Variants in MPP1 observed in about 807,000 individuals in gnomAD.
The protein encoded by MPP1 is MAGUK p55 scaffold protein 1.
Under a neutral mutation model 38.2 loss-of-function variants are expected in MPP1, and 6 were observed. The ratio of observed to expected loss-of-function variants is 0.16; its 90% CI spans 0.09 to 0.31. The LOEUF (loss-of-function observed/expected upper bound fraction) is 0.31. Among genes scored for constraint, MPP1 ranks in the 10% least tolerant of loss-of-function variants. The pLI, the probability that MPP1 is intolerant of heterozygous loss-of-function variation, is 1.00. For missense variants in MPP1, 293 were observed against 368.9 expected (o/e 0.79, Z 1.69); for synonymous variants, 153 against 146.3 (o/e 1.05, Z -0.33).
intron 1 of MPP1, among the ~76,000 whole-genome samples, chrX:154,795,867 G>A (rs144998283): frequency 5.3e-5 from 6 of 112,247 alleles, no homozygotes; most frequent in African/African-American, 1.9e-4. Flanking sequence ...AAGATGGGGT[G>A]AGAAGGAAAT....
chrX:154,798,120 T>C (rs1421537628), intron 1 of MPP1, among the ~76,000 whole-genome samples: 3 of 112,356 alleles, frequency 2.7e-5, no homozygotes, highest in Non-Finnish European at 3.8e-5. Flanking sequence ...ATAGTGACAA[T>C]ACTCATAACT....
At chrX:154,791,224 A>G (rs1603430146) in intron 3 of MPP1, 156 bp from the exon 4 acceptor site, 1 of 488,020 alleles carries the variant, frequency 2.0e-6, no homozygotes, top group East Asian at 3.6e-5. Flanking sequence ...TTGACTTGAC[A>G]GTTTAAGATG....
rs782672289 is a variant in MPP1 at position 154,783,387 on chromosome X, G to A, written c.946+40C>T. 43 of 1,012,072 alleles carry A rather than the reference G, an allele frequency of 4.2e-5. No individual in the cohort carries two copies. The South Asian group carries it at 8.7e-4, about 20-fold the overall frequency. The allele number at this position is 1,012,072 out of a possible 1,213,427, so 83.4% of individuals were successfully genotyped here. ...GTATTTCAGATGGCGAGTGGTACCAGCCTGTCACCTCCCCTCCAAGGTGCC... is the reference window on the plus strand; with the variant it reads ...GTATTTCAGATGGCGAGTGGTACCAACCTGTCACCTCCCCTCCAAGGTGCC... On this transcript the variant is annotated intron_variant, in intron 9 of 11. Transcript: ENST00000369534.
At chrX:154,804,579 A>T (rs1397194334) in intron 1 of MPP1, 1 of 290,594 alleles carries the variant, frequency 3.4e-6, no homozygotes, top group African/African-American at 2.8e-5. Flanking sequence ...ACAGACCCTG[A>T]GTGACGACCA....
In MPP1 at chrX:154,790,004, T is replaced by A; in HGVS notation, c.430A>T (p.Ile144Phe). 1 of 1,193,234 alleles carries A rather than the reference T, an allele frequency of 8.4e-7. No individual in the cohort carries two copies. The highest frequency in any genetic ancestry group is 1.1e-6 in the Non-Finnish European group (1 of 881,025). Residue 144 changes from isoleucine (I) to phenylalanine (F), a missense_variant, in exon 5 of 12, where the codon ATC becomes TTC. By Grantham distance (21) the Ile-to-Phe change is conservative. Coordinates refer to ENST00000369534, the MANE Select transcript of MPP1 (RefSeq NM_002436.4). The part of the protein sequence containing the change: ...QKAMKETKGM[I>F]SLKVIPNQQS... Reference sequence around the variant, plus strand: ...TGGTTGGGAATTACTTTTAATGAGATCATTCCTTTGGTTTCTTTCTATTAA... The same window carrying A: ...TGGTTGGGAATTACTTTTAATGAGAACATTCCTTTGGTTTCTTTCTATTAA...
chrX:154,798,650 C>T lies in MPP1; in HGVS notation c.103-6365G>A, dbSNP rs182271595. Among the ~76,000 whole-genome samples the T allele has an allele frequency of 2.7e-4, 30 of 112,209 alleles. No individual in the cohort carries two copies. The East Asian group carries it at 3.6e-3, about 14-fold the overall frequency. On this transcript the variant is annotated intron_variant, in intron 1 of 11. Coordinates refer to ENST00000369534, the MANE Select transcript of MPP1 (RefSeq NM_002436.4). The stretch of plus-strand genomic sequence containing the variant: ...GAGGAAGACAAGTGTGACTATAAAG[C>T]GACAGCAGGAGAGAGGCCTTTGTGG...
intron 1 of MPP1, chrX:154,799,704 G>A (rs2072240244): frequency 8.8e-7 from 1 of 1,132,771 alleles, no homozygotes; most frequent in South Asian, 2.1e-5. Context: ...TGTTAAGGAT[G>A]ACTGCTGGGA....
intron 1 of MPP1, among the ~76,000 whole-genome samples, chrX:154,796,168 T>C (rs782333932): frequency 7.4e-4 from 81 of 109,153 alleles, no homozygotes; most frequent in African/African-American, 2.4e-3. Context: ...TCTCACTCTG[T>C]CACCCAGTCT....
In MPP1 at chrX:154,781,281, C is replaced by T. The variant is rs372115896; in HGVS notation, c.1182G>A (p.Ser394=). Residue 394 remains serine, a synonymous_variant, in exon 11 of 12, where the codon TCG becomes TCA. Transcript: ENST00000369534. The part of the protein sequence containing the change: ...TLKIVRTAEL[S]PFIVFIAPTD... The stretch of plus-strand genomic sequence containing the variant: ...TAGGTGCAATGAACACAATGAAAGG[C>T]GAAAGTTCTGCTGTCCGAACAATTT... 25 of 1,195,928 alleles carry T rather than the reference C, an allele frequency of 2.1e-5. No individual in the cohort carries two copies. The highest frequency in any genetic ancestry group is 5.3e-5 in the South Asian group (3 of 56,193).
At chrX:154,784,927 T>C in intron 7 of MPP1, 124 bp downstream of exon 7, 4 of 603,575 alleles carry the variant, frequency 6.6e-6, no homozygotes, top group Non-Finnish European at 1.1e-5. Flanking sequence ...AGAAATGACA[T>C]GCTTTCTGTA....
rs1557269064 is a variant in MPP1, at chrX:154,805,350, G to A, written c.24C>T (p.Gly8=). The A allele has an allele frequency of 4.2e-6, 5 of 1,201,963 alleles. No individual in the cohort carries two copies. The highest frequency in any genetic ancestry group is 2.3e-4 in the Middle Eastern group (1 of 4,328). Residue 8 remains glycine, a synonymous_variant, in exon 1 of 12, where the codon GGC becomes GGT. Coordinates refer to ENST00000369534, the MANE Select transcript of MPP1 (RefSeq NM_002436.4). MTLKASE[G]ESGGSMHTAL... is the part of the protein sequence containing the mutation. ...CCGTGTGCATGCTGCCCCCACTCTC[G>A]CCCTCGCTCGCCTTGAGGGTCATCT... is the stretch of plus-strand genomic sequence containing the variant.
At chrX:154,792,315 T>C in intron 1 of MPP1, 30 bp from the exon 2 acceptor site, 11 of 1,187,787 alleles carry the variant, frequency 9.3e-6, no homozygotes, top group Non-Finnish European at 8.0e-6. Flanking sequence ...AAGCAACGTA[T>C]GAAATCAGGA....
At chrX:154,785,245 T>G in intron 6 of MPP1, 88 bp from the exon 7 acceptor site, 1 of 586,658 alleles carries the variant, frequency 1.7e-6, no homozygotes, top group Non-Finnish European at 2.5e-6. Flanking sequence ...GGCACCCCCT[T>G]CACTCTCTGA....
chrX:154,781,410 T>C, intron 10 of MPP1, 97 bp from the exon 11 acceptor site: 1 of 817,490 alleles, frequency 1.2e-6, no homozygotes, highest in Non-Finnish European at 1.8e-6. Context: ...GGATTCCTTC[T>C]AATAAGCAGC....
chrX:154,784,944 G>T (rs782807306), intron 7 of MPP1, 107 bp downstream of exon 7: 1 of 655,514 alleles, frequency 1.5e-6, no homozygotes, highest in Non-Finnish European at 2.5e-6. Context: ...TGTAGAATGC[G>T]CCTTCTGCTG....
intron 11 of MPP1, among the ~76,000 whole-genome samples, chrX:154,780,837 T>C (rs953154426): frequency 4.5e-5 from 5 of 111,270 alleles, no homozygotes; most frequent in Admixed American, 1.9e-4. Flanking sequence ...GTAGGCTTTT[T>C]GATATATTCC....
rs2072152691 is a variant in MPP1 at position 154,792,391 on chromosome X, A to G, written c.103-106T>C. 4.4e-5 allele frequency: 43 copies of G among 971,909 alleles called. 1 individual carries two copies. In the South Asian group the frequency reaches 8.4e-4, roughly 19 times the overall value. 80.1% of individuals were successfully genotyped at this position (971,909 alleles called of 1,213,427 possible). ...TCAAGAGGCTCTGAAAACTTATTTC[A>G]TAAGTTTGGCCTCATTCTTATTTGA... On this transcript the variant is annotated intron_variant, in intron 1 of 11. Transcript: ENST00000369534.
At chrX:154,794,652 G>A (rs1268771226) in intron 1 of MPP1, among the ~76,000 whole-genome samples, 1 of 111,733 alleles carries the variant, frequency 8.9e-6, no homozygotes, top group Non-Finnish European at 1.9e-5. Context: ...AAGGAGAAGG[G>A]TCCCTAGATG....
intron 5 of MPP1, 63 bp downstream of exon 5, chrX:154,789,891 G>T: frequency 1.2e-6 from 1 of 826,282 alleles, no homozygotes; most frequent in South Asian, 2.3e-5. Flanking sequence ...AAATTTCAAA[G>T]AATATAAGAC....
Sources: allele counts gnomAD v4.1 joint callset (sites outside exome capture counted in the v4.1 genomes callset), GRCh38; gene constraint gnomAD v4.1.1; transcripts MANE v1.5; gene names NCBI Gene and HGNC (gene_info 2026-07-23, HGNC 2026-07-21).